The following UBXN8 variants were observed in gnomAD, a reference collection of about 807,000 sequenced individuals.
UBXN8 encodes UBX domain protein 8.
UBXN8 carries 27 observed loss-of-function variants against 32.1 expected under a neutral mutation model. That is an observed-to-expected ratio of 0.84 (90% CI 0.62 to 1.16). The LOEUF is 1.16. Ranked by LOEUF, UBXN8 falls within the 50% of genes most tolerant of loss-of-function variation. The pLI, the probability that UBXN8 is intolerant of heterozygous loss-of-function variation, is 0.00. For missense variants in UBXN8, 306 were observed against 311.4 expected (o/e 0.98, Z 0.13); for synonymous variants, 109 against 111.8 (o/e 0.98, Z 0.16).
chr8:30,735,293 C>T (rs577427201), intron 1 of UBXN8, among the ~76,000 whole-genome samples: 1 of 152,322 alleles, frequency 6.6e-6, no homozygotes, highest in African/African-American at 2.4e-5. Flanking sequence ...GAAGGCCTAA[C>T]TCAGAAGCCT....
rs191066246 is a variant in UBXN8 at position 30,734,988 on chromosome 8, T to A, written c.622+1680T>A. On this transcript the variant is annotated intron_variant, in intron 1 of 1. Coordinates refer to the UBXN8 transcript ENST00000522968. ...AACGTAGGTGATTTCTATGAAGACA[T>A]TATGAAATATTTCTCAAAATAATAA... is the stretch of plus-strand genomic sequence containing the variant. Among the ~76,000 whole-genome samples, 415 of 152,274 alleles carry A rather than the reference T, an allele frequency of 2.7e-3. 2 individuals are homozygous for A. Among genetic ancestry groups the A allele is most frequent in the African/African-American group, 9.4e-3 (389 of 41,554 alleles).
upstream of UBXN8, among the ~76,000 whole-genome samples, chr8:30,742,682 T>C (rs1805238279): frequency 6.6e-6 from 1 of 152,052 alleles, no homozygotes; most frequent in Admixed American, 6.6e-5. Flanking sequence ...GTAGTTCCTT[T>C]GCACTCAGGT....
intron 1 of UBXN8, among the ~76,000 whole-genome samples, chr8:30,745,570 G>A (rs539245423): frequency 6.6e-6 from 1 of 152,236 alleles, no homozygotes; most frequent in African/African-American, 2.4e-5. Context: ...CGTGCAATAA[G>A]AAATGAAAAT....
chr8:30,741,320 AGGCTACAGTG>A (rs1323321392), upstream of UBXN8, among the ~76,000 whole-genome samples: 1 of 152,284 alleles, frequency 6.6e-6, no homozygotes, highest in East Asian at 1.9e-4. Flanking sequence ...TGAGAGGTCA[AGGCTACAGTG>A]GGCTGTGATT....
upstream of UBXN8, among the ~76,000 whole-genome samples, chr8:30,740,891 C>G (rs1472928285): frequency 6.6e-6 from 1 of 152,192 alleles, no homozygotes; most frequent in Non-Finnish European, 1.5e-5. Context: ...TTTATCTGGT[C>G]TCTAAGTTGC....
chr8:30,754,448 C>T, intron 3 of UBXN8: 1 of 621,626 alleles, frequency 1.6e-6, no homozygotes, highest in South Asian at 1.5e-5. Flanking sequence ...CTGGTTGATA[C>T]TGTCATAATC....
In UBXN8 at chr8:30,766,442, CCTT is replaced by C; in HGVS notation, c.*51_*53del. ...TTGCATGAAGTCAGTTATGCTATGA[CCTT>C]CTGGCACAATAAAGGCTTCACTTTC... On this transcript the variant is annotated 3_prime_UTR_variant, in exon 8 of 8. Transcript: ENST00000265616. The C allele has an allele frequency of 6.8e-7, 1 of 1,479,706 alleles. No individual in the cohort carries two copies. The highest frequency in any genetic ancestry group is 9.0e-7 in the Non-Finnish European group (1 of 1,107,518). The allele number at this position is 1,479,706 out of a possible 1,614,324, so 91.7% of individuals were successfully genotyped here.
chr8:30,741,958 C>T (rs927427603), upstream of UBXN8, among the ~76,000 whole-genome samples: 5 of 152,090 alleles, frequency 3.3e-5, no homozygotes, highest in Non-Finnish European at 1.5e-5. Flanking sequence ...GATTCAATGG[C>T]GCCATCAACA....
intron 5 of UBXN8, among the ~76,000 whole-genome samples, chr8:30,758,460 A>G (rs951560914): frequency 5.9e-5 from 9 of 152,298 alleles, no homozygotes; most frequent in East Asian, 1.9e-4. Flanking sequence ...GTTAATTCCA[A>G]TTGGAGCTGG....
Position 30,756,782 on chromosome 8 carries a change from T to C in UBXN8, c.423T>C (p.Ser141=). 6.2e-7 allele frequency: 1 copy of C among 1,614,002 alleles called. No homozygotes were observed. The highest frequency in any genetic ancestry group is 8.5e-7 in the Non-Finnish European group (1 of 1,179,886). The change falls in exon 5 of 8, where the codon AGT becomes AGC. Residue 141 remains serine, a synonymous_variant. Transcript: ENST00000265616. ...TTGACCAGGGTGATGAAGGTACAAGTCAGACATCTTTTGAAACATCAAACA... is the reference window on the plus strand; with the variant it reads ...TTGACCAGGGTGATGAAGGTACAAGCCAGACATCTTTTGAAACATCAAACA... ...GHKLGGDEGT[S]QTSFETSNRE...
rs1328390705 is a variant in UBXN8, at chr8:30,751,427, G to A, written c.120G>A (p.Arg40=). ...AGGATTTTCTTTTGCTTTGTGGCCG[G>A]ATTTTGCTACTGCTTGCTCTTCTTA... ...GIKDFLLLCG[R]ILLLLALLTL... is the part of the protein sequence containing the mutation. The change falls in exon 2 of 8, where the codon CGG becomes CGA. Residue 40 remains arginine, a synonymous_variant. Transcript: ENST00000265616. The A allele has an allele frequency of 6.2e-7, 1 of 1,600,334 alleles. No homozygotes were observed. The highest frequency in any genetic ancestry group is 8.5e-7 in the Non-Finnish European group (1 of 1,172,602).
chr8:30,739,722 G>A (rs66567768), upstream of UBXN8, among the ~76,000 whole-genome samples: 38,474 of 151,880 alleles, frequency 0.25, 5,635 homozygotes, highest in African/African-American at 0.41. Context: ...TGCAATCTCC[G>A]TGACCTCTTA....
intron 5 of UBXN8, among the ~76,000 whole-genome samples, chr8:30,759,362 A>C (rs1017700995): frequency 1.3e-5 from 2 of 151,150 alleles, no homozygotes; most frequent in Non-Finnish European, 2.9e-5. Context: ...CAACCTCCTG[A>C]GTAGCAGGAT....
chr8:30,754,204 C>T (rs1805588427), intron 3 of UBXN8: 2 of 259,558 alleles, frequency 7.7e-6, no homozygotes, highest in Non-Finnish European at 1.5e-5. Flanking sequence ...TGCACCACTG[C>T]ACTCCATCCT....
intron 5 of UBXN8, among the ~76,000 whole-genome samples, chr8:30,758,818 A>G (rs1805731656): frequency 6.6e-6 from 1 of 151,426 alleles, no homozygotes; most frequent in South Asian, 2.1e-4. Flanking sequence ...GTTATAAAAT[A>G]TACTCTATGG....
At chr8:30,747,478 T>C (rs1805392870) in intron 1 of UBXN8, among the ~76,000 whole-genome samples, 1 of 139,614 alleles carries the variant, frequency 7.2e-6, no homozygotes, top group Non-Finnish European at 1.5e-5. Flanking sequence ...GCCTGGCTAA[T>C]GTTTGTATTT....
chr8:30,746,414 G>A (rs886618667), intron 1 of UBXN8, among the ~76,000 whole-genome samples: 5 of 151,476 alleles, frequency 3.3e-5, no homozygotes, highest in Admixed American at 6.6e-5. Flanking sequence ...GGCTGGTTAT[G>A]CCTATACTGA....
chr8:30,746,040 C>G (rs552758517), intron 1 of UBXN8, among the ~76,000 whole-genome samples: 1 of 152,194 alleles, frequency 6.6e-6, no homozygotes, highest in Non-Finnish European at 1.5e-5. Flanking sequence ...TGTGAGCCAC[C>G]GTGCCCAGCC....
chr8:30,762,806 G>A (rs748098322), intron 6 of UBXN8, among the ~76,000 whole-genome samples: 1 of 152,144 alleles, frequency 6.6e-6, no homozygotes. Context: ...TAATGATCAT[G>A]TTAGTCATAA....
Sources: allele counts gnomAD v4.1 joint callset (sites outside exome capture counted in the v4.1 genomes callset), GRCh38; gene constraint gnomAD v4.1.1; transcripts MANE v1.5; gene names NCBI Gene and HGNC (gene_info 2026-07-23, HGNC 2026-07-21).